Variants in PCDHGB4 observed in about 807,000 individuals in gnomAD.
PCDHGB4 encodes protocadherin gamma-B4.
In PCDHGB4, 38 loss-of-function variants were observed where a neutral mutation model predicts 60.5. That is an observed-to-expected ratio of 0.63 (90% CI 0.48 to 0.82). The LOEUF is 0.82. Among genes scored for constraint, PCDHGB4 ranks in the 40% least tolerant of loss-of-function variants. The pLI, the probability that PCDHGB4 is intolerant of heterozygous loss-of-function variation, is 0.00. For synonymous variants in PCDHGB4, 456 were observed against 509.7 expected, an observed-to-expected ratio of 0.89 and a Z score of 1.42; for missense variants, 1,109 against 1,209.6, an observed-to-expected ratio of 0.92 and a Z score of 1.23.
intron 1 of PCDHGB4, among the ~76,000 whole-genome samples, chr5:141,473,785 A>G (rs1240342191): frequency 6.6e-6 from 1 of 152,226 alleles, no homozygotes; most frequent in Non-Finnish European, 1.5e-5. Context: ...TTAATTCAAG[A>G]GCAGTATGAT....
chr5:141,457,172 T>C (rs1425263344), intron 1 of PCDHGB4, among the ~76,000 whole-genome samples: 1 of 152,212 alleles, frequency 6.6e-6, no homozygotes, highest in East Asian at 1.9e-4. Context: ...ATAACCCTAT[T>C]GCAAATAGTA....
chr5:141,502,615 A>G (rs2099815317), intron 2 of PCDHGB4, among the ~76,000 whole-genome samples: 1 of 152,218 alleles, frequency 6.6e-6, no homozygotes, highest in Non-Finnish European at 1.5e-5. Context: ...TTGTGAAAAT[A>G]TAAGTAATCT....
intron 1 of PCDHGB4, chr5:141,422,104 T>C: frequency 6.2e-7 from 1 of 1,607,960 alleles, no homozygotes; most frequent in Non-Finnish European, 8.5e-7. Context: ...TTCTGAAATA[T>C]TCCAATTGGA....
intron 1 of PCDHGB4, chr5:141,398,042 T>C: frequency 6.7e-7 from 1 of 1,495,000 alleles, no homozygotes; most frequent in East Asian, 2.4e-5. Context: ...CTAAAGCCCG[T>C]TCGGAGATCC....
At position 141,476,813 on chromosome 5, in the gene PCDHGB4, A is replaced by G. The variant is rs749333814; in HGVS notation, c.2398-17994A>G. The G allele has an allele frequency of 6.8e-6, 11 of 1,613,548 alleles. No individual in the cohort carries two copies. Among genetic ancestry groups the G allele is most frequent in the Non-Finnish European group, 9.3e-6 (11 of 1,180,022 alleles). On this transcript the variant is annotated intron_variant, in intron 1 of 3. Transcript: ENST00000519479. The surrounding 1 kb of genome is among the most constrained non-coding windows in gnomAD (Gnocchi z 7.6). ...CTCCGCCAGCCTGCCTATTCACATC[A>G]AGGTGCTGGACGCGAATGACAATGC...
rs1008039711 is a variant in PCDHGB4 at position 141,394,856 on chromosome 5, G to C, written c.2397+4575G>C. 4 of 1,613,674 alleles carry C rather than the reference G, an allele frequency of 2.5e-6. No individual in the cohort carries two copies. In the African/African-American group the frequency reaches 5.3e-5, roughly 22 times the overall value. On this transcript the variant is annotated intron_variant, in intron 1 of 3. Coordinates refer to ENST00000519479, the MANE Select transcript of PCDHGB4 (RefSeq NM_003736.4). ...CCGAGTTGGGCAGTCTGAAGCCTTC[G>C]GTCGACCCGAACGATTCGAGCCTTA... is the stretch of plus-strand genomic sequence containing the variant.
Position 141,431,451 on chromosome 5 carries a change from T to C in PCDHGB4, c.2397+41170T>C. On this transcript the variant is annotated intron_variant, in intron 1 of 3. Transcript: ENST00000519479. The surrounding 1 kb of genome is among the most constrained non-coding windows in gnomAD (Gnocchi z 4.8). ...ACAGGCACCGCGCGCATCCGCGTGA[T>C]GGTTCTGGATGCGAACGACAACGCA... The C allele has an allele frequency of 6.2e-7, 1 of 1,613,762 alleles. No individual in the cohort carries two copies. Among genetic ancestry groups the C allele is most frequent in the African/African-American group, 1.3e-5 (1 of 75,072 alleles).
intron 1 of PCDHGB4, chr5:141,423,595 G>A: frequency 6.2e-7 from 1 of 1,613,216 alleles, no homozygotes; most frequent in Non-Finnish European, 8.5e-7. Flanking sequence ...TGAGAAAAGC[G>A]AGCCACTCTT....
chr5:141,388,777 A>C lies in PCDHGB4; in HGVS notation c.893A>C (p.Glu298Ala). The C allele has an allele frequency of 6.2e-7, 1 of 1,613,964 alleles. No individual in the cohort carries two copies. The highest frequency in any genetic ancestry group is 1.1e-5 in the South Asian group (1 of 91,078). The change falls in exon 1 of 4, where the codon GAA (glutamate) becomes GCA (alanine). Residue 298 changes from glutamate (E) to alanine (A), a missense_variant. Around this residue, in one of 2 missense-constraint regions of PCDHGB4, gnomAD observed 1,068 missense variants for 1,089.9 expected, o/e 0.98. Transcript: ENST00000519479. ...TQFDLNSNTG[E>A]ITVLNTLDFE... ...TTTGACCTGAACTCTAACACCGGGG[A>C]AATTACTGTTTTAAATACATTAGAT...
intron 1 of PCDHGB4, chr5:141,418,494 T>TGATGGTGGG: frequency 6.2e-7 from 1 of 1,614,020 alleles, no homozygotes; most frequent in Non-Finnish European, 8.5e-7. Context: ...CACTTGGTAC[T>TGATGGTGGG]GACCGCCTTA....
intron 3 of PCDHGB4, among the ~76,000 whole-genome samples, chr5:141,506,011 C>T (rs1209221520): frequency 6.6e-6 from 1 of 152,204 alleles, no homozygotes; most frequent in Non-Finnish European, 1.5e-5. Flanking sequence ...TCCTCTTTTG[C>T]TGCCCCTAAC....
At position 141,477,284 on chromosome 5, in the gene PCDHGB4, G is replaced by A. The variant is rs751714522; in HGVS notation, c.2398-17523G>A. 5.0e-6 allele frequency: 8 copies of A among 1,614,150 alleles called. No homozygotes were observed. The South Asian group carries it at 6.6e-5, about 13-fold the overall frequency. ...TGGCGAGAACGGGCTGGTGACCTGC[G>A]AAGTTCCACCGGGTCTCCCTTTCAG... On this transcript the variant is annotated intron_variant, in intron 1 of 3. Transcript: ENST00000519479. This position sits in a 1 kb window ranked among gnomAD's most constrained non-coding sequence, Gnocchi z 4.9.
rs1414795207 is a variant in PCDHGB4 at position 141,393,033 on chromosome 5, C to T, written c.2397+2752C>T. On this transcript the variant is annotated intron_variant, in intron 1 of 3. Transcript: ENST00000519479. ...TATCGTCTCCAGAGGTAGGACGCAG[C>T]TCTTTGCTCTGAACCCGCGCAGCGG... is the stretch of plus-strand genomic sequence containing the variant. 4.3e-6 allele frequency: 7 copies of T among 1,613,782 alleles called. No individual in the cohort carries two copies. The highest frequency in any genetic ancestry group is 4.0e-5 in the African/African-American group (3 of 75,052).
chr5:141,422,328 TGCTCTTCTAAA>T (rs2096641385), intron 1 of PCDHGB4: 1 of 1,548,384 alleles, frequency 6.5e-7, no homozygotes, highest in Admixed American at 2.1e-5. Flanking sequence ...GTACAGTGAT[TGCTCTTCTAAA>T]TGTGCAAGAT....
At position 141,390,172 on chromosome 5, in the gene PCDHGB4, ATT is replaced by A. The variant is rs745723390; in HGVS notation, c.2290_2291del (p.Phe764ProfsTer4). 218 of 1,614,012 alleles carry A rather than the reference ATT, an allele frequency of 1.4e-4. 1 individual carries two copies. In the African/African-American group the frequency reaches 2.7e-3, roughly 20 times the overall value. ...GCACATACAGGAAAGACGGAGTTTA[ATT>A]TCCTAAAATGTAGTGAGCAGTTGAG... On this transcript the variant is annotated frameshift_variant, in exon 1 of 4. Transcript: ENST00000519479. LOFTEE classifies it high-confidence loss of function.
intron 1 of PCDHGB4, among the ~76,000 whole-genome samples, chr5:141,457,293 T>A (rs2098916185): frequency 6.6e-6 from 1 of 152,226 alleles, no homozygotes; most frequent in Admixed American, 6.5e-5. Context: ...TTCCTTGGTT[T>A]TATTTTCCCA....
Position 141,447,955 on chromosome 5 carries a change from G to A in PCDHGB4, c.2398-46852G>A, listed in dbSNP as rs536740280. On this transcript the variant is annotated intron_variant, in intron 1 of 3. Coordinates refer to ENST00000519479, the MANE Select transcript of PCDHGB4 (RefSeq NM_003736.4). ...ACAAAAATTAGCTGGGCATGGTGGC[G>A]GACACCTATAATCCCAGCTACTCGG... Among the ~76,000 whole-genome samples the A allele has an allele frequency of 1.6e-4, 24 of 151,898 alleles. 1 individual carries two copies. The highest frequency in any genetic ancestry group is 8.3e-4 in the South Asian group (4 of 4,816).
intron 1 of PCDHGB4, chr5:141,468,556 GAT>G (rs754546771): frequency 6.6e-6 from 1 of 151,930 alleles, no homozygotes; most frequent in Non-Finnish European, 1.5e-5. Flanking sequence ...TAACATTTGT[GAT>G]ATAGTAAACA....
intron 1 of PCDHGB4, chr5:141,421,909 C>T: frequency 1.9e-6 from 3 of 1,613,710 alleles, no homozygotes; most frequent in Non-Finnish European, 2.5e-6. Context: ...GGGCGCAGTT[C>T]CCATTCGTGT....
Sources: gnomAD v4.1 joint callset for allele counts (sites outside exome capture counted in the v4.1 genomes callset) on GRCh38, gnomAD v4.1.1 for gene constraint, gnomAD v4.1.1 regional missense constraint, Gnocchi (gnomAD v3.1) non-coding constraint, MANE v1.5 for transcripts, NCBI Gene and HGNC (gene_info 2026-07-23, HGNC 2026-07-21) for gene names.